The following SLC9A9 variants were observed in gnomAD, a reference collection of about 807,000 sequenced individuals.
SLC9A9 encodes solute carrier family 9 member A9, also known as sodium/hydrogen exchanger 9.
A neutral mutation model predicts 77.8 loss-of-function variants in SLC9A9; 62 were observed. The ratio of observed to expected loss-of-function variants is 0.80; its 90% CI spans 0.65 to 0.98. The LOEUF is 0.98. Ranked by LOEUF, SLC9A9 falls within the 50% of genes least tolerant of loss-of-function variation. The probability of loss-of-function intolerance (pLI) is 0.00; values close to 1 mark genes in which losing one functional copy is unlikely to be tolerated. For synonymous variants in SLC9A9, 320 were observed against 283.5 expected (o/e 1.13, Z -1.29); for missense variants, 775 against 774.9 (o/e 1.00, Z 0.00).
intron 14 of SLC9A9, chr3:143,313,008 TATA>T (rs1253480599): frequency 6.6e-6 from 1 of 152,206 alleles, no homozygotes; most frequent in Non-Finnish European, 1.5e-5. Flanking sequence ...ACCTTGAAGC[TATA>T]ATATTACACG....
At chr3:143,470,361 TC>T (rs1404454284) in intron 11 of SLC9A9, among the ~76,000 whole-genome samples, 1 of 151,746 alleles carries the variant, frequency 6.6e-6, no homozygotes, top group Non-Finnish European at 1.5e-5. Context: ...ATGCCTGTAA[TC>T]CCAGCTACTA....
chr3:143,719,043 G>A (rs1326630290), intron 4 of SLC9A9, among the ~76,000 whole-genome samples: 5 of 151,930 alleles, frequency 3.3e-5, no homozygotes, highest in Non-Finnish European at 5.9e-5. Flanking sequence ...AATCTTAAAC[G>A]GATAAATGGA....
intron 1 of SLC9A9, among the ~76,000 whole-genome samples, chr3:143,841,144 C>G (rs1043723931): frequency 1.3e-5 from 2 of 152,112 alleles, no homozygotes; most frequent in African/African-American, 4.8e-5. Context: ...CCTTCTCTCT[C>G]TCAGTGTTGG....
At chr3:143,291,322 C>G (rs920269740) in intron 14 of SLC9A9, among the ~76,000 whole-genome samples, 1 of 152,168 alleles carries the variant, frequency 6.6e-6, no homozygotes, top group African/African-American at 2.4e-5. Context: ...TTAGCCTCAT[C>G]CAGCCACATT....
intron 9 of SLC9A9, among the ~76,000 whole-genome samples, chr3:143,532,178 G>C (rs2108622315): frequency 6.6e-6 from 1 of 152,216 alleles, no homozygotes; most frequent in Non-Finnish European, 1.5e-5. Flanking sequence ...GTAATCAGTG[G>C]TATGCTGCTA....
intron 9 of SLC9A9, among the ~76,000 whole-genome samples, chr3:143,528,056 T>A (rs1204016043): frequency 6.6e-6 from 1 of 152,074 alleles, no homozygotes; most frequent in African/African-American, 2.4e-5. Context: ...ATGGAGAAAA[T>A]CATTTCCATG....
At position 143,482,598 on chromosome 3, in the gene SLC9A9, A is replaced by G. The variant is rs76347047; in HGVS notation, c.1315+11055T>C. Among the ~76,000 whole-genome samples the G allele has an allele frequency of 4.4e-3, 668 of 152,328 alleles. 1 individual carries two copies. Among genetic ancestry groups the G allele is most frequent in the Non-Finnish European group, 7.4e-3 (504 of 68,030 alleles). On this transcript the variant is annotated intron_variant, in intron 11 of 15. Transcript: ENST00000316549. ...GCTCTGCACCCTGGCTCTTTAGCTC[A>G]GGAGTTCACAGTACCCAAGTCACAG... is the stretch of plus-strand genomic sequence containing the variant.
chr3:143,728,436 C>T (rs1010803711), intron 4 of SLC9A9, among the ~76,000 whole-genome samples: 1 of 152,102 alleles, frequency 6.6e-6, no homozygotes, highest in Admixed American at 6.5e-5. Flanking sequence ...AGGAAGATGA[C>T]ATCTTCTGGG....
chr3:143,800,496 A>G (rs1479700566), intron 2 of SLC9A9, among the ~76,000 whole-genome samples: 1 of 152,124 alleles, frequency 6.6e-6, no homozygotes, highest in Non-Finnish European at 1.5e-5. Context: ...TTTGTCCTCA[A>G]TACCTTCCTC....
chr3:143,355,376 A>C (rs1413595204), intron 14 of SLC9A9, among the ~76,000 whole-genome samples: 1 of 152,240 alleles, frequency 6.6e-6, no homozygotes, highest in Non-Finnish European at 1.5e-5. Flanking sequence ...TGTAATGAGC[A>C]CTGTTCTAAG....
At chr3:143,557,226 A>C (rs571226718) in intron 8 of SLC9A9, among the ~76,000 whole-genome samples, 1 of 152,242 alleles carries the variant, frequency 6.6e-6, no homozygotes, top group East Asian at 1.9e-4. Context: ...CCCTGTGAAG[A>C]TGTGCCTTCT....
chr3:143,801,596 T>G (rs1201550908), intron 2 of SLC9A9, among the ~76,000 whole-genome samples: 1 of 152,108 alleles, frequency 6.6e-6, no homozygotes, highest in Non-Finnish European at 1.5e-5. Context: ...TACACCCCAT[T>G]TCCCCATGTT....
chr3:143,332,514 G>A (rs2031804063), intron 14 of SLC9A9, among the ~76,000 whole-genome samples: 1 of 152,192 alleles, frequency 6.6e-6, no homozygotes. Context: ...AAACCAATAG[G>A]AAACTGTTTA....
At chr3:143,755,188 G>A (rs1183340734) in intron 4 of SLC9A9, among the ~76,000 whole-genome samples, 2 of 152,110 alleles carry the variant, frequency 1.3e-5, no homozygotes, top group East Asian at 1.9e-4. Context: ...ACCTCTCAGA[G>A]AGCAGGAGGC....
In SLC9A9 at chr3:143,701,506, C is replaced by A. The variant is rs1933800706; in HGVS notation, c.534-8199G>T. 2.6e-5 allele frequency among the ~76,000 whole-genome samples: 4 copies of A among 152,132 alleles called. No individual in the cohort carries two copies. The South Asian group carries it at 8.3e-4, about 32-fold the overall frequency. The stretch of plus-strand genomic sequence containing the variant: ...ATAGAAATTCTGGAGTTGAAAAATG[C>A]AATTGACACATGAAAGAATGCATCG... On this transcript the variant is annotated intron_variant, in intron 4 of 15. Transcript: ENST00000316549.
chr3:143,433,300 G>C (rs535492895), intron 12 of SLC9A9, among the ~76,000 whole-genome samples: 1 of 152,206 alleles, frequency 6.6e-6, no homozygotes, highest in South Asian at 2.1e-4. Context: ...GGTTCTTTGG[G>C]GGGAATTTAT....
chr3:143,296,207 A>G (rs1340815440), intron 14 of SLC9A9, among the ~76,000 whole-genome samples: 1 of 152,192 alleles, frequency 6.6e-6, no homozygotes, highest in Non-Finnish European at 1.5e-5. Flanking sequence ...TATGCCAATT[A>G]AATAGCAACT....
At chr3:143,803,971 T>A (rs899704427) in intron 2 of SLC9A9, among the ~76,000 whole-genome samples, 8 of 152,118 alleles carry the variant, frequency 5.3e-5, no homozygotes, top group Non-Finnish European at 1.2e-4. Flanking sequence ...CCACACTTAC[T>A]TAAAAAACCT....
intron 4 of SLC9A9, among the ~76,000 whole-genome samples, chr3:143,759,871 C>T (rs6773316): frequency 9.9e-5 from 15 of 151,660 alleles, no homozygotes; most frequent in African/African-American, 2.4e-4. Flanking sequence ...CAATACTGTA[C>T]GCACAAGCAG....
Sources: allele counts gnomAD v4.1 joint callset (sites outside exome capture counted in the v4.1 genomes callset), GRCh38; gene constraint gnomAD v4.1.1; transcripts MANE v1.5; gene names NCBI Gene and HGNC (gene_info 2026-07-23, HGNC 2026-07-21).